The following TENM3 variants were observed in gnomAD, a reference collection of about 807,000 sequenced individuals.
TENM3 encodes the protein teneurin transmembrane protein 3, also known as teneurin-3.
A neutral mutation model predicts 255.1 loss-of-function variants in TENM3; 63 were observed. The observed-to-expected ratio is 0.25, with a 90% CI of 0.20 to 0.30. The LOEUF is 0.30. Ranked by LOEUF, TENM3 falls within the 10% of genes least tolerant of loss-of-function variation. TENM3 has a pLI of 1.00. For synonymous variants in TENM3, 1,306 were observed against 1,322.3 expected, an observed-to-expected ratio of 0.99 and a Z score of 0.27; for missense variants, 2,929 against 3,461.1, an observed-to-expected ratio of 0.85 and a Z score of 3.86.
chr4:182,628,848 G>C lies in TENM3; in HGVS notation c.947G>C (p.Gly316Ala). The C allele has an allele frequency of 6.2e-7, 1 of 1,608,924 alleles. No individual in the cohort carries two copies. The highest frequency in any genetic ancestry group is 1.3e-5 in the African/African-American group (1 of 74,858). ...SWKCTALCAV[G>A]VSVLLAILLS... ...AAATGCACTGCACTGTGTGCCGTAG[G>C]GGTCTCGGTGCTCCTGGCAATACTC... is the stretch of plus-strand genomic sequence containing the variant. The change falls in exon 5 of 28, where the codon GGG becomes GCG. Residue 316 changes from glycine to alanine, a missense_variant. Gly to Ala is a moderately conservative substitution (Grantham distance 60, BLOSUM62 0). Around this residue, in one of 6 missense-constraint regions of TENM3, gnomAD observed 1,608 missense variants for 1,884.4 expected, o/e 0.85. Coordinates refer to ENST00000511685, the MANE Select transcript of TENM3 (RefSeq NM_001080477.4).
intron 23 of TENM3, among the ~76,000 whole-genome samples, chr4:182,774,397 T>C (rs908777957): frequency 6.6e-6 from 1 of 152,228 alleles, no homozygotes; most frequent in African/African-American, 2.4e-5. Context: ...AATATGAGCT[T>C]TTTTGTATAA....
chr4:182,445,541 G>A (rs999499471), intron 3 of TENM3, among the ~76,000 whole-genome samples: 1 of 152,134 alleles, frequency 6.6e-6, no homozygotes, highest in African/African-American at 2.4e-5. Flanking sequence ...GGAGAGAGAG[G>A]TCAGAAGCAT....
the TENM3 span, among the ~76,000 whole-genome samples, chr4:181,916,235 T>A: frequency 1.3e-5 from 2 of 152,198 alleles, no homozygotes; most frequent in African/African-American, 4.8e-5. Flanking sequence ...CTAGGCTAGA[T>A]TAGTGCCTCT....
chr4:181,611,432 C>T, the TENM3 span, among the ~76,000 whole-genome samples: 2 of 152,124 alleles, frequency 1.3e-5, no homozygotes, highest in African/African-American at 4.8e-5. Context: ...TTTATTCCTC[C>T]TCTTCTGCGT....
At chr4:182,617,687 C>G (rs1422420568) in intron 4 of TENM3, among the ~76,000 whole-genome samples, 3 of 152,132 alleles carry the variant, frequency 2.0e-5, no homozygotes, top group Non-Finnish European at 4.4e-5. Context: ...TCTTTGAAAT[C>G]AAAACATCTA....
the TENM3 span, among the ~76,000 whole-genome samples, chr4:181,636,806 T>G: frequency 6.6e-6 from 1 of 152,224 alleles, no homozygotes; most frequent in African/African-American, 2.4e-5. Flanking sequence ...ACGGATCATG[T>G]CACTGCTCTT....
chr4:182,657,397 T>C lies in TENM3; in HGVS notation c.1111+3504T>C, dbSNP rs1753844766. Among the ~76,000 whole-genome samples, 6 of 152,326 alleles carry C rather than the reference T, an allele frequency of 3.9e-5. No individual in the cohort carries two copies. In the South Asian group the frequency reaches 1.2e-3, roughly 32 times the overall value. ...GAAACTTGCAAGGGGAGCTCTCATT[T>C]TCTGTAAACACATCTTTATTCCTCC... is the stretch of plus-strand genomic sequence containing the variant. On this transcript the variant is annotated intron_variant, in intron 6 of 27. Coordinates refer to ENST00000511685, the MANE Select transcript of TENM3 (RefSeq NM_001080477.4).
At chr4:181,956,375 T>C in the TENM3 span, among the ~76,000 whole-genome samples, 3 of 152,234 alleles carry the variant, frequency 2.0e-5, no homozygotes, top group Non-Finnish European at 4.4e-5. Flanking sequence ...TCTTCCATTT[T>C]CAATAGACAC....
chr4:182,721,263 C>G (rs1759709261), intron 13 of TENM3, among the ~76,000 whole-genome samples: 1 of 152,172 alleles, frequency 6.6e-6, no homozygotes, highest in Non-Finnish European at 1.5e-5. Flanking sequence ...CTCTCATTGT[C>G]AGAAGAGTTA....
intron 2 of TENM3, among the ~76,000 whole-genome samples, chr4:182,326,179 T>C (rs1025738600): frequency 3.3e-5 from 5 of 152,318 alleles, no homozygotes; most frequent in Admixed American, 6.5e-5. Flanking sequence ...GTGCCGCAGG[T>C]CACTTGATGT....
At chr4:182,094,810 A>G in the TENM3 span, among the ~76,000 whole-genome samples, 1 of 152,198 alleles carries the variant, frequency 6.6e-6, no homozygotes, top group African/African-American at 2.4e-5. Flanking sequence ...GGAAAAGTGC[A>G]GAAATGAGAT....
At chr4:182,729,310 G>T in intron 14 of TENM3, 129 bp downstream of exon 14, 1 of 797,556 alleles carries the variant, frequency 1.3e-6, no homozygotes, top group Non-Finnish European at 2.0e-6. Context: ...TCCTCTTTCT[G>T]CAGATTCTTC....
chr4:181,595,410 G>A, the TENM3 span, among the ~76,000 whole-genome samples: 1 of 123,570 alleles, frequency 8.1e-6, no homozygotes, highest in Non-Finnish European at 1.6e-5. Flanking sequence ...CAGCCTGGGT[G>A]ACAGAGCGAG....
the TENM3 span, among the ~76,000 whole-genome samples, chr4:182,061,305 G>A: frequency 0.02 from 3,082 of 152,160 alleles, 97 homozygotes; most frequent in African/African-American, 0.07. Context: ...ATGACTTTGG[G>A]TCAGATGGCA....
At chr4:181,727,855 C>T in the TENM3 span, among the ~76,000 whole-genome samples, 422 of 152,256 alleles carry the variant, frequency 2.8e-3, 1 homozygote, top group African/African-American at 9.5e-3. Flanking sequence ...ACTGACTCTC[C>T]GATTTGACAG....
the TENM3 span, among the ~76,000 whole-genome samples, chr4:181,453,763 C>T: frequency 3.3e-5 from 5 of 152,070 alleles, no homozygotes; most frequent in African/African-American, 4.8e-5. Flanking sequence ...CAATAACCTC[C>T]GTTAGTCCTG....
At chr4:182,368,752 T>C (rs555957085) in intron 3 of TENM3, among the ~76,000 whole-genome samples, 1 of 152,282 alleles carries the variant, frequency 6.6e-6, no homozygotes, top group South Asian at 2.1e-4. Flanking sequence ...CCCACGTATA[T>C]ACCCACGAGT....
intron 3 of TENM3, among the ~76,000 whole-genome samples, chr4:182,460,130 ACGCTG>A (rs1173584347): frequency 6.6e-6 from 1 of 152,166 alleles, no homozygotes; most frequent in Non-Finnish European, 1.5e-5. Context: ...AAGTGAAAAC[ACGCTG>A]AAACGAGACA....
In TENM3 at chr4:182,365,509, T is replaced by C. The variant is rs57977959; in HGVS notation, c.511+18580T>C. Among the ~76,000 whole-genome samples, 384 of 152,336 alleles carry C rather than the reference T, an allele frequency of 2.5e-3. 8 individuals carry two copies. The highest frequency in any genetic ancestry group is 8.9e-3 in the African/African-American group (371 of 41,574). On this transcript the variant is annotated intron_variant, in intron 3 of 27. Coordinates refer to ENST00000511685, the MANE Select transcript of TENM3 (RefSeq NM_001080477.4). Reference sequence around the variant, plus strand: ...CCAATGTGTGGTCCTAAAGTCTAGCTGGATGCCGCCTGTACACTTTTTACT... The same window carrying C: ...CCAATGTGTGGTCCTAAAGTCTAGCCGGATGCCGCCTGTACACTTTTTACT...
Sources: allele counts gnomAD v4.1 joint callset (sites outside exome capture counted in the v4.1 genomes callset), GRCh38; gene constraint gnomAD v4.1.1; regional missense constraint gnomAD v4.1.1; transcripts MANE v1.5; gene names NCBI Gene and HGNC (gene_info 2026-07-23, HGNC 2026-07-21).